The following TMOD2 variants were observed in gnomAD, a reference collection of about 807,000 sequenced individuals.
TMOD2 encodes the protein tropomodulin 2, also known as tropomodulin-2.
TMOD2 carries 22 observed loss-of-function variants against 39.9 expected under a neutral mutation model. That is an observed-to-expected ratio of 0.55 (90% CI 0.39 to 0.79). The LOEUF (loss-of-function observed/expected upper bound fraction) is 0.79, where lower values mean the gene tolerates loss of function less well. TMOD2 is among the 30% of genes least tolerant of loss of function. The pLI is 0.00. For synonymous variants in TMOD2, 123 were observed against 146.1 expected (o/e 0.84, Z 1.14); for missense variants, 386 against 413.3 (o/e 0.93, Z 0.57).
chr15:51,757,072 T>A (rs543721333), intron 1 of TMOD2, among the ~76,000 whole-genome samples: 5 of 152,290 alleles, frequency 3.3e-5, no homozygotes, highest in Non-Finnish European at 7.4e-5. Flanking sequence ...GGTGCACTAA[T>A]TGTTTAAAAT....
intron 1 of TMOD2, among the ~76,000 whole-genome samples, chr15:51,760,960 G>A (rs1264970923): frequency 1.3e-5 from 2 of 152,102 alleles, no homozygotes; most frequent in Non-Finnish European, 2.9e-5. Context: ...CATTTTAGCC[G>A]AAGTGGGCTC....
At chr15:51,766,016 A>G (rs1299391629) in intron 1 of TMOD2, among the ~76,000 whole-genome samples, 1 of 151,936 alleles carries the variant, frequency 6.6e-6, no homozygotes, top group Admixed American at 6.5e-5. Context: ...AGAGTAGTAT[A>G]AGGGAAAAGC....
chr15:51,765,744 T>C (rs1011595750), intron 1 of TMOD2, among the ~76,000 whole-genome samples: 3 of 151,980 alleles, frequency 2.0e-5, no homozygotes, highest in Non-Finnish European at 4.4e-5. Flanking sequence ...GGACTAGAAA[T>C]AGAATGGAAA....
intron 1 of TMOD2, among the ~76,000 whole-genome samples, chr15:51,763,810 G>C (rs978958431): frequency 1.3e-5 from 2 of 152,196 alleles, no homozygotes; most frequent in Non-Finnish European, 2.9e-5. Flanking sequence ...CTGCTGCTGG[G>C]ACAACAGTAA....
chr15:51,788,242 C>T (rs926474429), intron 7 of TMOD2, among the ~76,000 whole-genome samples: 11 of 152,056 alleles, frequency 7.2e-5, no homozygotes, highest in Admixed American at 4.6e-4. Flanking sequence ...GCTTCAATAG[C>T]CGATTTGATC....
At chr15:51,807,814 GA>G (rs1022483587) in intron 9 of TMOD2, among the ~76,000 whole-genome samples, 1 of 152,154 alleles carries the variant, frequency 6.6e-6, no homozygotes, top group Non-Finnish European at 1.5e-5. Context: ...CTGCAGTTGG[GA>G]GAGTGAAAGG....
intron 7 of TMOD2, among the ~76,000 whole-genome samples, chr15:51,786,536 GT>G (rs1173313122): frequency 2.6e-5 from 4 of 152,126 alleles, no homozygotes; most frequent in African/African-American, 9.7e-5. Flanking sequence ...ATATTTTGGG[GT>G]TTGTGGTGAA....
chr15:51,806,562 C>T (rs758204286), intron 9 of TMOD2, 41 bp downstream of exon 9: 3 of 1,608,212 alleles, frequency 1.9e-6, no homozygotes, highest in Non-Finnish European at 1.7e-6. Flanking sequence ...ATTAGAAGAG[C>T]ATGAGCATTC....
At position 51,766,399 on chromosome 15, in the gene TMOD2, C is replaced by A. The variant is rs1193535581; in HGVS notation, c.-43C>A. The A allele has an allele frequency of 6.4e-7, 1 of 1,568,446 alleles. No individual in the cohort carries two copies. On this transcript the variant is annotated 5_prime_UTR_variant, in exon 2 of 10. Coordinates refer to ENST00000249700, the MANE Select transcript of TMOD2 (RefSeq NM_014548.4). ...ATTCTGAAGTCTCAGGAAACTGGACCATTTAAATGTGCATGGCCCATGAGA... is the reference window on the plus strand; with the variant it reads ...ATTCTGAAGTCTCAGGAAACTGGACAATTTAAATGTGCATGGCCCATGAGA...
chr15:51,766,651 C>A, intron 2 of TMOD2, 84 bp downstream of exon 2: 4 of 1,422,148 alleles, frequency 2.8e-6, no homozygotes, highest in Middle Eastern at 2.0e-4. Flanking sequence ...TGGTAGAAAT[C>A]CCTTAGCTCG....
chr15:51,807,240 G>C (rs993158764), intron 9 of TMOD2, among the ~76,000 whole-genome samples: 1 of 152,224 alleles, frequency 6.6e-6, no homozygotes, highest in Non-Finnish European at 1.5e-5. Context: ...TTGAGGTTCA[G>C]GGACAGAATG....
chr15:51,787,646 G>A (rs905469451), intron 7 of TMOD2, among the ~76,000 whole-genome samples: 2 of 152,244 alleles, frequency 1.3e-5, no homozygotes, highest in Non-Finnish European at 2.9e-5. Context: ...CTGGGACAAA[G>A]CTTCCAGAGG....
In TMOD2 at chr15:51,805,244, G is replaced by A. The variant is rs148478569; in HGVS notation, c.877-1133G>A. 9.4e-3 allele frequency among the ~76,000 whole-genome samples: 1,430 copies of A among 152,022 alleles called. 15 individuals carry two copies. Among genetic ancestry groups the A allele is most frequent in the African/African-American group, 0.019 (792 of 41,436 alleles). Reference sequence around the variant, plus strand: ...CAAAGTGCTGGGATTACAGGCAGGAGCCACGGTGCCCGGCCTCCGTCTTAA... The same window carrying A: ...CAAAGTGCTGGGATTACAGGCAGGAACCACGGTGCCCGGCCTCCGTCTTAA... On this transcript the variant is annotated intron_variant, in intron 8 of 9. Transcript: ENST00000249700.
chr15:51,791,444 A>G (rs2056011261), intron 7 of TMOD2, among the ~76,000 whole-genome samples: 1 of 152,254 alleles, frequency 6.6e-6, no homozygotes, highest in Non-Finnish European at 1.5e-5. Context: ...AGTAATTTGT[A>G]GATTCAACAC....
At chr15:51,779,575 G>A (rs1254962578) in intron 5 of TMOD2, among the ~76,000 whole-genome samples, 1 of 151,926 alleles carries the variant, frequency 6.6e-6, no homozygotes, top group Admixed American at 6.6e-5. Flanking sequence ...AGTAGAGACG[G>A]GATTTCATCC....
At position 51,775,570 on chromosome 15, in the gene TMOD2, C is replaced by CTTTTTTTTTTTTTTTT. The variant is rs869308022; in HGVS notation, c.407-1352_407-1337dup. 2.5e-5 allele frequency among the ~76,000 whole-genome samples: 2 copies of CTTTTTTTTTTTTTTTT among 81,210 alleles called. 1 individual carries two copies. The highest frequency in any genetic ancestry group is 1.0e-4 in the African/African-American group (2 of 19,220). The allele number at this position is 81,210 out of a possible 152,430, so 53.3% of individuals were successfully genotyped here. On this transcript the variant is annotated intron_variant, in intron 4 of 9. Coordinates refer to ENST00000249700, the MANE Select transcript of TMOD2 (RefSeq NM_014548.4). ...GAGACACAGTGACAAATTCTTTTTCCTTTTTTTTTTTTTTTTTTTTTTTTT... is the reference window on the plus strand; with the variant it reads ...GAGACACAGTGACAAATTCTTTTTCCTTTTTTTTTTTTTTTTTTTTTTTTTTTTTTTTTTTTTTTTT...
intron 3 of TMOD2, among the ~76,000 whole-genome samples, chr15:51,771,833 T>C (rs1168778795): frequency 6.6e-6 from 1 of 152,232 alleles, no homozygotes; most frequent in Non-Finnish European, 1.5e-5. Flanking sequence ...ATTTTCTATC[T>C]TCTGGCCATC....
rs1365782222 is a variant in TMOD2 at position 51,814,233 on chromosome 15, TGACTGGA to T, written c.*5781_*5787del. 6.6e-6 allele frequency: 1 copy of T among 152,238 alleles called. No individual in the cohort carries two copies. The highest frequency in any genetic ancestry group is 1.5e-5 in the Non-Finnish European group (1 of 68,108). 9.4% of individuals were successfully genotyped at this position (152,238 alleles called of 1,614,324 possible). A position where few individuals can be genotyped will look rare whatever the true frequency, so the allele number is the denominator to read the frequency against. On this transcript the variant is annotated 3_prime_UTR_variant, in exon 10 of 10. Transcript: ENST00000249700. ...GTGGGAGAGGCTAAGACTTCAGGTT[TGACTGGA>T]GGCCTAGGAGAGAAGAGTGTCCTTA...
At chr15:51,802,683 G>A (rs2056097938) in intron 8 of TMOD2, among the ~76,000 whole-genome samples, 1 of 152,152 alleles carries the variant, frequency 6.6e-6, no homozygotes. Flanking sequence ...CCCTTGATAC[G>A]GTCCCACTCT....
Sources: gnomAD v4.1 joint callset for allele counts (sites outside exome capture counted in the v4.1 genomes callset) on GRCh38, gnomAD v4.1.1 for gene constraint, MANE v1.5 for transcripts, NCBI Gene and HGNC (gene_info 2026-07-23, HGNC 2026-07-21) for gene names.